The following UBAP2L variants were observed in gnomAD, a reference collection of about 807,000 sequenced individuals.
The protein encoded by UBAP2L is ubiquitin-associated protein 2-like.
Under a neutral mutation model 130.6 loss-of-function variants are expected in UBAP2L, and 12 were observed. The observed-to-expected ratio is 0.09, with a 90% CI of 0.06 to 0.15. The LOEUF is 0.15. UBAP2L is among the 10% of genes least tolerant of loss of function. UBAP2L has a pLI of 1.00. For synonymous variants in UBAP2L, 503 were observed against 524.7 expected, an observed-to-expected ratio of 0.96 and a Z score of 0.57; for missense variants, 965 against 1,332.5, an observed-to-expected ratio of 0.72 and a Z score of 4.29.
intron 3 of UBAP2L, among the ~76,000 whole-genome samples, chr1:154,227,649 C>T (rs1404097076): frequency 2.6e-5 from 4 of 151,654 alleles, no homozygotes; most frequent in Non-Finnish European, 4.4e-5. Flanking sequence ...CGAGTTCAAG[C>T]GATTCTCGTG....
chr1:154,220,371 C>T (rs1665483671), upstream of UBAP2L: 3 of 1,614,246 alleles, frequency 1.9e-6, no homozygotes, highest in Non-Finnish European at 2.5e-6. Context: ...ACCAGCACGA[C>T]ATTCACCCCG....
chr1:154,225,347 T>C, intron 2 of UBAP2L, 134 bp downstream of exon 2: 1 of 921,684 alleles, frequency 1.1e-6, no homozygotes, highest in Admixed American at 2.4e-5. Context: ...CCTTGGCTCT[T>C]TTTTTACTTA....
chr1:154,236,530 T>C (rs773818289), intron 6 of UBAP2L, 36 bp from the exon 7 acceptor site: 3 of 1,612,792 alleles, frequency 1.9e-6, no homozygotes, highest in Non-Finnish European at 2.5e-6. Flanking sequence ...ACTTCTAAAA[T>C]ACATCTCTCT....
chr1:154,262,703 G>C (rs1469445791), intron 24 of UBAP2L, among the ~76,000 whole-genome samples: 1 of 152,158 alleles, frequency 6.6e-6, no homozygotes, highest in East Asian at 1.9e-4. Flanking sequence ...GCTTTGAACT[G>C]TGCTGCATGA....
At chr1:154,249,892 T>G (rs1676933879) in intron 12 of UBAP2L, among the ~76,000 whole-genome samples, 1 of 152,044 alleles carries the variant, frequency 6.6e-6, no homozygotes, top group African/African-American at 2.4e-5. Flanking sequence ...GAAAAATTTT[T>G]AACCATATAC....
chr1:154,252,115 A>G (rs1488123227), intron 14 of UBAP2L, among the ~76,000 whole-genome samples: 1 of 147,338 alleles, frequency 6.8e-6, no homozygotes, highest in Non-Finnish European at 1.5e-5. Flanking sequence ...CTGGGATTAC[A>G]GGTGCCCACC....
intron 6 of UBAP2L, among the ~76,000 whole-genome samples, chr1:154,236,271 T>C (rs1308969131): frequency 2.6e-5 from 4 of 152,144 alleles, no homozygotes; most frequent in Non-Finnish European, 5.9e-5. Context: ...CGGTCTTAGC[T>C]CACTGTAGCC....
At chr1:154,241,213 C>T (rs935343489) in intron 8 of UBAP2L, among the ~76,000 whole-genome samples, 1 of 152,128 alleles carries the variant, frequency 6.6e-6, no homozygotes, top group Non-Finnish European at 1.5e-5. Context: ...CTCAGCCTCC[C>T]GCGTAGCTGG....
chr1:154,263,397 A>C lies in UBAP2L; in HGVS notation c.2902+1700A>C, dbSNP rs1682239848. 3 of 1,284,750 alleles carry C rather than the reference A, an allele frequency of 2.3e-6. No individual in the cohort carries two copies. The South Asian group carries it at 7.7e-5, about 33-fold the overall frequency. The allele number at this position is 1,284,750 out of a possible 1,614,324, so 79.6% of individuals were successfully genotyped here. On this transcript the variant is annotated intron_variant, in intron 24 of 26. Coordinates refer to ENST00000428931, the MANE Select transcript of UBAP2L (RefSeq NM_014847.4). Reference sequence around the variant, plus strand: ...TCAAGCGGTGCAGCACCTTCGAAGCATCAATGCACACACCTGCTGTTGCTT... The same window carrying C: ...TCAAGCGGTGCAGCACCTTCGAAGCCTCAATGCACACACCTGCTGTTGCTT...
intron 18 of UBAP2L, 36 bp from the exon 19 acceptor site, chr1:154,257,027 T>C: frequency 6.3e-7 from 1 of 1,596,174 alleles, no homozygotes; most frequent in Non-Finnish European, 8.5e-7. Context: ...CTGATCTCTT[T>C]TCTTCTTCTC....
At chr1:154,232,234 G>A (rs1012295251) in intron 4 of UBAP2L, among the ~76,000 whole-genome samples, 2 of 151,562 alleles carry the variant, frequency 1.3e-5, no homozygotes, top group African/African-American at 4.9e-5. Context: ...TGAGGCAGGA[G>A]AATCACTTCA....
chr1:154,221,735 T>C (rs1305012420), intron 1 of UBAP2L, among the ~76,000 whole-genome samples: 1 of 152,220 alleles, frequency 6.6e-6, no homozygotes, highest in African/African-American at 2.4e-5. Context: ...CCTCCCTTCT[T>C]TCTCACCAAC....
intron 4 of UBAP2L, among the ~76,000 whole-genome samples, chr1:154,233,777 T>C (rs894191509): frequency 4.6e-5 from 7 of 151,416 alleles, no homozygotes; most frequent in Admixed American, 1.3e-4. Context: ...TCTGAATTCA[T>C]AGGTAACTTT....
chr1:154,253,548 ATTT>A (rs1273816047), intron 14 of UBAP2L, among the ~76,000 whole-genome samples: 1 of 151,110 alleles, frequency 6.6e-6, no homozygotes, highest in Middle Eastern at 3.2e-3. Context: ...TGCCCGGCTA[ATTT>A]TTTTGTATTT....
At chr1:154,224,057 A>G (rs987493988) in intron 1 of UBAP2L, among the ~76,000 whole-genome samples, 9 of 152,236 alleles carry the variant, frequency 5.9e-5, no homozygotes, top group Admixed American at 5.2e-4. Context: ...AGATTGTATT[A>G]TAAAACAAAG....
intron 8 of UBAP2L, among the ~76,000 whole-genome samples, chr1:154,238,555 C>T (rs1192191410): frequency 6.6e-6 from 1 of 151,998 alleles, no homozygotes; most frequent in African/African-American, 2.4e-5. Flanking sequence ...CAGTAAGGAT[C>T]TGGTTGGAAA....
intron 4 of UBAP2L, among the ~76,000 whole-genome samples, chr1:154,229,466 G>A (rs1359932507): frequency 6.6e-6 from 1 of 151,942 alleles, no homozygotes; most frequent in Non-Finnish European, 1.5e-5. Flanking sequence ...TTAATGAGCA[G>A]TGTATTATTA....
Position 154,251,622 on chromosome 1 carries a change from G to C in UBAP2L, c.1633G>C (p.Ala545Pro). The change falls in exon 14 of 27, where the codon GCT (alanine) becomes CCT (proline). Residue 545 changes from alanine to proline, a missense_variant. By Grantham distance (27) the Ala-to-Pro change is conservative (BLOSUM62 -1). Around this residue, in one of 9 missense-constraint regions of UBAP2L, gnomAD observed 393 missense variants for 408.1 expected, o/e 0.96. Coordinates refer to ENST00000428931, the MANE Select transcript of UBAP2L (RefSeq NM_014847.4). ...TPTTSASSSQ[A>P]PSSLYTSTAS... Reference sequence around the variant, plus strand: ...CACCACGAGCGCCTCTTCAAGCCAGGCTCCAAGTAGCCTGTATACCAGCAC... The same window carrying C: ...CACCACGAGCGCCTCTTCAAGCCAGCCTCCAAGTAGCCTGTATACCAGCAC... 6.2e-7 allele frequency: 1 copy of C among 1,614,062 alleles called. No individual in the cohort carries two copies. Among genetic ancestry groups the C allele is most frequent in the Non-Finnish European group, 8.5e-7 (1 of 1,179,996 alleles).
At chr1:154,260,408 T>C (rs1489486811) in intron 22 of UBAP2L, among the ~76,000 whole-genome samples, 1 of 152,236 alleles carries the variant, frequency 6.6e-6, no homozygotes, top group Non-Finnish European at 1.5e-5. Context: ...ATACAGTGGT[T>C]GAGGTGGTCT....
Sources: gnomAD v4.1 joint callset for allele counts (sites outside exome capture counted in the v4.1 genomes callset) on GRCh38, gnomAD v4.1.1 for gene constraint, gnomAD v4.1.1 regional missense constraint, MANE v1.5 for transcripts, NCBI Gene and HGNC (gene_info 2026-07-23, HGNC 2026-07-21) for gene names.